RPGRIP1: variants seen among roughly 807,000 people sequenced by gnomAD.
RPGRIP1 encodes the protein RPGR interacting protein 1, also known as X-linked retinitis pigmentosa GTPase regulator-interacting protein 1.
Under a neutral mutation model 157.9 loss-of-function variants are expected in RPGRIP1, and 128 were observed. The ratio of observed to expected loss-of-function variants is 0.81; its 90% confidence interval spans 0.70 to 0.94. The LOEUF is 0.94. Among genes scored for constraint, RPGRIP1 ranks in the 40% least tolerant of loss-of-function variants. The pLI is 0.00. For synonymous variants in RPGRIP1, 554 were observed against 571.6 expected, an observed-to-expected ratio of 0.97 and a Z score of 0.44; for missense variants, 1,486 against 1,545.8, an observed-to-expected ratio of 0.96 and a Z score of 0.65.
chr14:21,310,800 C>A, intron 8 of RPGRIP1, 193 bp downstream of exon 8: 1 of 677,770 alleles, frequency 1.5e-6, no homozygotes, highest in Non-Finnish European at 2.8e-6. Context: ...GCACTGTTTT[C>A]ATAAAAATTG....
At chr14:21,304,628 C>T (rs1441995600) in intron 6 of RPGRIP1, among the ~76,000 whole-genome samples, 1 of 151,998 alleles carries the variant, frequency 6.6e-6, no homozygotes, top group Non-Finnish European at 1.5e-5. Flanking sequence ...CAAAATTAAG[C>T]AGGAAATAGA....
intron 10 of RPGRIP1, among the ~76,000 whole-genome samples, chr14:21,315,196 G>T (rs373115744): frequency 3.5e-4 from 53 of 151,910 alleles, no homozygotes; most frequent in African/African-American, 1.2e-3. Flanking sequence ...GTAAGTAAAA[G>T]AAAAAAGTTT....
chr14:21,296,140 C>T (rs1209649432), intron 3 of RPGRIP1, among the ~76,000 whole-genome samples: 2 of 136,192 alleles, frequency 1.5e-5, no homozygotes, highest in East Asian at 2.3e-4. Context: ...CTCCATCTGT[C>T]GCCCAGGCTG....
intron 3 of RPGRIP1, among the ~76,000 whole-genome samples, chr14:21,298,894 C>G (rs948716012): frequency 7.0e-6 from 1 of 142,348 alleles, no homozygotes; most frequent in African/African-American, 2.6e-5. Context: ...GAGCAGAGAT[C>G]GCACCACTGT....
rs189993372 is a variant in RPGRIP1 at position 21,306,419 on chromosome 14, C to G, written c.801-1312C>G. ...AAGTGCTGGGATTACAGGCGTGAGC[C>G]CCTGCGCCCAGCCTAATCTTCTTTC... On this transcript the variant is annotated intron_variant, in intron 6 of 24. Transcript: ENST00000400017. Among the ~76,000 whole-genome samples, 59 of 151,392 alleles carry G rather than the reference C, an allele frequency of 3.9e-4. 2 individuals carry two copies. The East Asian group carries it at 9.1e-3, about 23-fold the overall frequency.
At chr14:21,282,964 A>G (rs1233488363) in intron 1 of RPGRIP1, among the ~76,000 whole-genome samples, 1 of 152,096 alleles carries the variant, frequency 6.6e-6, no homozygotes, top group Admixed American at 6.6e-5. Flanking sequence ...GATGTTCAAC[A>G]CGCCTTCACT....
intron 1 of RPGRIP1, among the ~76,000 whole-genome samples, chr14:21,287,623 G>A (rs970216713): frequency 3.9e-5 from 6 of 151,994 alleles, no homozygotes; most frequent in Admixed American, 3.9e-4. Context: ...GTGGAGAGAG[G>A]GATAGAGGCC....
chr14:21,304,002 G>T (rs1273483523), intron 6 of RPGRIP1, among the ~76,000 whole-genome samples: 1 of 138,320 alleles, frequency 7.2e-6, no homozygotes, highest in African/African-American at 2.8e-5. Flanking sequence ...AAAAAAAAAA[G>T]AAAAGAAAAG....
At chr14:21,314,381 G>A (rs991038790) in intron 10 of RPGRIP1, among the ~76,000 whole-genome samples, 1 of 152,054 alleles carries the variant, frequency 6.6e-6, no homozygotes, top group African/African-American at 2.4e-5. Flanking sequence ...ACCGACCCTG[G>A]GCTATTCTAT....
intron 3 of RPGRIP1, among the ~76,000 whole-genome samples, chr14:21,296,406 G>A (rs1217943635): frequency 6.6e-6 from 1 of 151,366 alleles, no homozygotes; most frequent in Non-Finnish European, 1.5e-5. Context: ...TAGAGATGGG[G>A]TTTCACCCTG....
intron 20 of RPGRIP1, among the ~76,000 whole-genome samples, chr14:21,331,035 G>A (rs533541467): frequency 7.9e-5 from 12 of 151,578 alleles, no homozygotes; most frequent in African/African-American, 1.2e-4. Flanking sequence ...TCAGCCTCCC[G>A]AGTAGCTGGG....
At chr14:21,285,983 T>C (rs1298915078) in intron 1 of RPGRIP1, among the ~76,000 whole-genome samples, 1 of 151,798 alleles carries the variant, frequency 6.6e-6, no homozygotes, top group African/African-American at 2.4e-5. Flanking sequence ...GGCTAATATA[T>C]GTTGTTTTTG....
At chr14:21,292,460 C>T (rs1365130177) in intron 2 of RPGRIP1, among the ~76,000 whole-genome samples, 2 of 152,150 alleles carry the variant, frequency 1.3e-5, no homozygotes, top group South Asian at 2.1e-4. Context: ...GTGACTCATG[C>T]CTGTAATCTC....
At chr14:21,282,315 C>T (rs1462822259) in intron 1 of RPGRIP1, among the ~76,000 whole-genome samples, 1 of 152,014 alleles carries the variant, frequency 6.6e-6, no homozygotes, top group Non-Finnish European at 1.5e-5. Context: ...CACCTCACTG[C>T]AATCTCTGCC....
At chr14:21,335,525 A>C (rs1482944754) in intron 21 of RPGRIP1, among the ~76,000 whole-genome samples, 1 of 152,090 alleles carries the variant, frequency 6.6e-6, no homozygotes, top group Non-Finnish European at 1.5e-5. Context: ...GACACGCATC[A>C]AAAAAATATA....
intron 1 of RPGRIP1, among the ~76,000 whole-genome samples, chr14:21,280,385 C>T (rs1302901586): frequency 6.6e-6 from 1 of 151,522 alleles, no homozygotes; most frequent in Non-Finnish European, 1.5e-5. Context: ...CTGGGGACTA[C>T]AGGCATGCGC....
At chr14:21,302,607 A>G (rs1881082532) in intron 5 of RPGRIP1, 23 bp downstream of exon 5, 1 of 1,372,014 alleles carries the variant, frequency 7.3e-7, no homozygotes, top group Non-Finnish European at 1.0e-6. Context: ...CATTTATCCC[A>G]TGTTGTTATT....
intron 24 of RPGRIP1, among the ~76,000 whole-genome samples, chr14:21,349,767 TA>T (rs1257631297): frequency 6.6e-6 from 1 of 152,228 alleles, no homozygotes; most frequent in Admixed American, 6.5e-5. Flanking sequence ...TCTACTATAG[TA>T]AATACATAAT....
At chr14:21,297,349 C>T (rs1880830824) in intron 3 of RPGRIP1, among the ~76,000 whole-genome samples, 1 of 152,176 alleles carries the variant, frequency 6.6e-6, no homozygotes, top group Non-Finnish European at 1.5e-5. Flanking sequence ...CCTGCCTCGG[C>T]CTCCCAAAGT....
Sources: gnomAD v4.1 joint callset for allele counts (sites outside exome capture counted in the v4.1 genomes callset) on GRCh38, gnomAD v4.1.1 for gene constraint, MANE v1.5 for transcripts, NCBI Gene and HGNC (gene_info 2026-07-23, HGNC 2026-07-21) for gene names.